Variants in MAGI2 observed in about 807,000 individuals in gnomAD.
MAGI2 encodes the protein membrane associated guanylate kinase, WW and PDZ domain containing 2.
In MAGI2, 35 loss-of-function variants were observed where a neutral mutation model predicts 133.3. The observed-to-expected ratio is 0.26, with a 90% CI of 0.20 to 0.35. The LOEUF (loss-of-function observed/expected upper bound fraction) is 0.35, where lower values mean the gene tolerates loss of function less well. Ranked by LOEUF, MAGI2 falls within the 10% of genes least tolerant of loss-of-function variation. The pLI, the probability that MAGI2 is intolerant of heterozygous loss-of-function variation, is 1.00. For synonymous variants in MAGI2, 729 were observed against 710.6 expected (o/e 1.03, Z -0.41); for missense variants, 1,636 against 1,863.4 (o/e 0.88, Z 2.25).
In MAGI2 at chr7:78,019,649, G is replaced by A. The variant is rs1808113906; in HGVS notation, c.4034C>T (p.Ser1345Leu). Residue 1345 changes from serine to leucine, a missense_variant, in exon 22 of 22, where the codon TCG becomes TTG. Physicochemically the swap from Ser to Leu is moderately radical, Grantham distance 145 (BLOSUM62 -2). Coordinates refer to ENST00000354212, the MANE Select transcript of MAGI2 (RefSeq NM_012301.4). ...QGRPEAGRPA[S>L]EARAPGLAAA... is the part of the protein sequence containing the mutation. ...CGCGAGCCCGGGCGCCCTGGCCTCC[G>A]AGGCGGGCCTGCCGGCCTCGGGCCG... 1.8e-6 allele frequency: 2 copies of A among 1,132,180 alleles called. No individual in the cohort carries two copies. The highest frequency in any genetic ancestry group is 4.6e-5 in the East Asian group (1 of 21,978). The allele number at this position is 1,132,180 out of a possible 1,614,324, so 70.1% of individuals were successfully genotyped here.
intron 6 of MAGI2, among the ~76,000 whole-genome samples, chr7:78,418,896 T>C (rs1385907982): frequency 6.6e-6 from 1 of 152,292 alleles, no homozygotes; most frequent in African/African-American, 2.4e-5. Flanking sequence ...TTGTGATAAA[T>C]ATATTATTTT....
chr7:79,028,216 A>T (rs1413528192), intron 1 of MAGI2, among the ~76,000 whole-genome samples: 6 of 114,718 alleles, frequency 5.2e-5, no homozygotes, highest in Admixed American at 2.0e-4. Context: ...ATCTCAAAAA[A>T]ATATATATAT....
Position 79,077,592 on chromosome 7 carries a change from A to G in MAGI2, c.302-70386T>C, listed in dbSNP as rs113735503. ...TGCCTCTCAAAAAAAAAAAAAAAAAAAAATAAATAAATAAATAAATTCCCT... is the reference window on the plus strand; with the variant it reads ...TGCCTCTCAAAAAAAAAAAAAAAAAGAAATAAATAAATAAATAAATTCCCT... On this transcript the variant is annotated intron_variant, in intron 1 of 21. Coordinates refer to ENST00000354212, the MANE Select transcript of MAGI2 (RefSeq NM_012301.4). Among the ~76,000 whole-genome samples the G allele has an allele frequency of 7.9e-5, 10 of 126,988 alleles. 2 individuals carry two copies. The Admixed American group carries it at 8.4e-4, about 11-fold the overall frequency. The allele number at this position is 126,988 out of a possible 152,430, so 83.3% of individuals were successfully genotyped here. A position where few individuals can be genotyped will look rare whatever the true frequency, so the allele number is the denominator to read the frequency against.
intron 2 of MAGI2, among the ~76,000 whole-genome samples, chr7:78,823,525 G>A (rs951509255): frequency 1.4e-5 from 2 of 147,108 alleles, no homozygotes; most frequent in African/African-American, 5.0e-5. Flanking sequence ...GGAGCTTGCA[G>A]TGAGCCCGGA....
At chr7:79,351,798 A>C (rs1397833503) in intron 1 of MAGI2, 1 of 152,200 alleles carries the variant, frequency 6.6e-6, no homozygotes, top group African/African-American at 2.4e-5. Flanking sequence ...ATTGACATGT[A>C]CCTTAAATCT....
intron 2 of MAGI2, among the ~76,000 whole-genome samples, chr7:78,990,496 A>C (rs1805653666): frequency 6.6e-6 from 1 of 152,046 alleles, no homozygotes; most frequent in African/African-American, 2.4e-5. Context: ...AGGTCTTCTC[A>C]ATCGGAATGT....
In MAGI2 at chr7:78,974,687, A is replaced by G. The variant is rs537638020; in HGVS notation, c.418+32403T>C. Among the ~76,000 whole-genome samples, 97 of 151,848 alleles carry G rather than the reference A, an allele frequency of 6.4e-4. 1 individual carries two copies. In the Middle Eastern group the frequency reaches 0.02, roughly 32 times the overall value. ...TTATTGTAATCTCATTTATCTTCCT[A>G]TTTATAGTGTACAATATGCTCACAG... On this transcript the variant is annotated intron_variant, in intron 2 of 21. Coordinates refer to ENST00000354212, the MANE Select transcript of MAGI2 (RefSeq NM_012301.4).
At chr7:78,758,518 G>A (rs1463445416) in intron 2 of MAGI2, among the ~76,000 whole-genome samples, 2 of 152,150 alleles carry the variant, frequency 1.3e-5, no homozygotes, top group African/African-American at 2.4e-5. Context: ...GTGTTTAGAT[G>A]TACTTCAGAA....
At chr7:78,430,485 C>T (rs1248675127) in intron 6 of MAGI2, among the ~76,000 whole-genome samples, 1 of 151,734 alleles carries the variant, frequency 6.6e-6, no homozygotes, top group African/African-American at 2.4e-5. Context: ...AGAGAAAAAA[C>T]ACCCCTCTAT....
chr7:79,322,212 G>A (rs1369961861), intron 1 of MAGI2, among the ~76,000 whole-genome samples: 2 of 152,084 alleles, frequency 1.3e-5, no homozygotes, highest in Non-Finnish European at 2.9e-5. Flanking sequence ...TTCCAATTTT[G>A]CAAATAATTA....
chr7:79,219,929 G>A (rs1830310621), intron 1 of MAGI2, among the ~76,000 whole-genome samples: 1 of 151,902 alleles, frequency 6.6e-6, no homozygotes, highest in Admixed American at 6.6e-5. Context: ...ATTGTGAGCT[G>A]GGGCTAATAA....
chr7:79,359,641 G>C (rs1365170560), intron 1 of MAGI2, among the ~76,000 whole-genome samples: 6 of 148,928 alleles, frequency 4.0e-5, no homozygotes, highest in Non-Finnish European at 8.9e-5. Context: ...AATGACAGCA[G>C]AGACCAAAAG....
intron 3 of MAGI2, among the ~76,000 whole-genome samples, chr7:78,578,021 T>A (rs1188815831): frequency 6.7e-6 from 1 of 149,068 alleles, no homozygotes. Context: ...CAGTTATCAC[T>A]GTGAAAAAGA....
At chr7:78,581,135 C>G (rs929977245) in intron 3 of MAGI2, among the ~76,000 whole-genome samples, 6 of 152,140 alleles carry the variant, frequency 3.9e-5, no homozygotes, top group African/African-American at 1.2e-4. Context: ...TAGCTTACAA[C>G]ACTTGGTGAG....
chr7:78,608,040 T>C (rs1806013829), intron 3 of MAGI2, among the ~76,000 whole-genome samples: 3 of 152,334 alleles, frequency 2.0e-5, no homozygotes, highest in East Asian at 1.9e-4. Context: ...GCCAGCAGGC[T>C]GAGAGAGCAA....
intron 1 of MAGI2, among the ~76,000 whole-genome samples, chr7:79,168,086 G>A (rs532696770): frequency 2.8e-4 from 43 of 152,170 alleles, no homozygotes; most frequent in African/African-American, 8.4e-4. Flanking sequence ...CTAGTTAATC[G>A]AATATCTATA....
chr7:79,443,740 T>C (rs143960196), intron 1 of MAGI2, among the ~76,000 whole-genome samples: 68 of 152,354 alleles, frequency 4.5e-4, no homozygotes, highest in African/African-American at 1.5e-3. Context: ...ACTTGATCCA[T>C]GGCAATATAA....
At chr7:79,160,399 G>A (rs965962013) in intron 1 of MAGI2, among the ~76,000 whole-genome samples, 1 of 152,048 alleles carries the variant, frequency 6.6e-6, no homozygotes, top group Non-Finnish European at 1.5e-5. Context: ...TAGTTGATAT[G>A]AGGGAAGTGT....
rs113246725 is a variant in MAGI2 at position 79,365,949 on chromosome 7, G to GA, written c.301+87070dup. Among the ~76,000 whole-genome samples, 1,072 of 139,718 alleles carry GA rather than the reference G, an allele frequency of 7.7e-3. 12 individuals carry two copies. Among genetic ancestry groups the GA allele is most frequent in the Non-Finnish European group, 0.012 (794 of 64,386 alleles). 91.7% of individuals were successfully genotyped at this position (139,718 alleles called of 152,430 possible). ...GAATTGCCAGTAAATTAGGTTGAGTGAAAAAAAAAAAAAGTTGGTGCGATG... is the reference window on the plus strand; with the variant it reads ...GAATTGCCAGTAAATTAGGTTGAGTGAAAAAAAAAAAAAAGTTGGTGCGATG... On this transcript the variant is annotated intron_variant, in intron 1 of 21. Coordinates refer to ENST00000354212, the MANE Select transcript of MAGI2 (RefSeq NM_012301.4).
Sources: allele counts gnomAD v4.1 joint callset (sites outside exome capture counted in the v4.1 genomes callset), GRCh38; gene constraint gnomAD v4.1.1; transcripts MANE v1.5; gene names NCBI Gene and HGNC (gene_info 2026-07-23, HGNC 2026-07-21).